CNBD1: variants seen among roughly 807,000 people sequenced by gnomAD.
CNBD1 encodes cyclic nucleotide-binding domain-containing protein 1.
A neutral mutation model predicts 54.4 loss-of-function variants in CNBD1; 71 were observed. That is an observed-to-expected ratio of 1.30 (90% CI 1.08 to 1.59). The LOEUF is 1.59. Among genes scored for constraint, CNBD1 ranks in the 40% most tolerant of loss-of-function variants. The pLI is 0.00. For synonymous variants in CNBD1, 182 were observed against 170.7 expected (o/e 1.07, Z -0.51); for missense variants, 659 against 518.0 (o/e 1.27, Z -2.64).
intron 8 of CNBD1, among the ~76,000 whole-genome samples, chr8:87,329,117 G>A (rs1422293940): frequency 1.3e-5 from 2 of 151,760 alleles, no homozygotes; most frequent in African/African-American, 4.8e-5. Context: ...TATGGTCTTT[G>A]TCTATATTCG....
chr8:87,393,562 A>C (rs1811352943), intron 2 of CNBD1, among the ~76,000 whole-genome samples: 1 of 151,912 alleles, frequency 6.6e-6, no homozygotes, highest in Non-Finnish European at 1.5e-5. Context: ...CCCCAAAGAC[A>C]TTATGGTTTG....
At chr8:87,025,675 G>A (rs1809627722) in intron 4 of CNBD1, among the ~76,000 whole-genome samples, 1 of 152,176 alleles carries the variant, frequency 6.6e-6, no homozygotes, top group Non-Finnish European at 1.5e-5. Context: ...CCCAGTGGGT[G>A]GAACAGACAA....
At chr8:87,117,180 C>T (rs370997041) in intron 4 of CNBD1, among the ~76,000 whole-genome samples, 4 of 151,898 alleles carry the variant, frequency 2.6e-5, no homozygotes, top group Non-Finnish European at 5.9e-5. Context: ...GGGTGGATCA[C>T]GAAGTCAGGA....
At chr8:87,086,473 C>T (rs1586246453) in intron 4 of CNBD1, among the ~76,000 whole-genome samples, 1 of 152,060 alleles carries the variant, frequency 6.6e-6, no homozygotes, top group African/African-American at 2.4e-5. Context: ...AATGCAAATA[C>T]AATTTTGAGA....
At chr8:87,011,313 A>C (rs1049856078) in intron 4 of CNBD1, among the ~76,000 whole-genome samples, 1 of 151,548 alleles carries the variant, frequency 6.6e-6, no homozygotes, top group Non-Finnish European at 1.5e-5. Context: ...ACCCTCGTGT[A>C]GCTTATTAAT....
At chr8:87,193,316 G>A (rs1325265920) in intron 4 of CNBD1, among the ~76,000 whole-genome samples, 1 of 152,104 alleles carries the variant, frequency 6.6e-6, no homozygotes, top group African/African-American at 2.4e-5. Context: ...GGCATTTTAT[G>A]TATAGCTCCC....
chr8:86,937,367 A>G (rs1346293916), intron 3 of CNBD1, among the ~76,000 whole-genome samples: 1 of 152,118 alleles, frequency 6.6e-6, no homozygotes, highest in Admixed American at 6.6e-5. Flanking sequence ...CAGCTAAACC[A>G]TATCATTCTG....
intron 4 of CNBD1, among the ~76,000 whole-genome samples, chr8:87,070,798 T>C (rs1373092139): frequency 2.0e-5 from 3 of 152,076 alleles, no homozygotes; most frequent in African/African-American, 7.2e-5. Context: ...GTTAAGTAGC[T>C]ACTATGTACC....
rs1231252741 is a variant in CNBD1, at chr8:87,328,388, A to T, written c.1043-23297A>T. On this transcript the variant is annotated intron_variant, in intron 8 of 10. Coordinates refer to ENST00000518476, the MANE Select transcript of CNBD1 (RefSeq NM_173538.3). ...TTATTTAATATTTAATACTTTAATT[A>T]TTGTGTATAATTTTTTAAATTATGT... Among the ~76,000 whole-genome samples, 6 of 151,368 alleles carry T rather than the reference A, an allele frequency of 4.0e-5. No homozygotes were observed. The East Asian group carries it at 9.6e-4, about 24-fold the overall frequency.
chr8:87,267,513 A>G (rs1490976967), intron 6 of CNBD1, among the ~76,000 whole-genome samples: 1 of 152,166 alleles, frequency 6.6e-6, no homozygotes, highest in Non-Finnish European at 1.5e-5. Context: ...TATAACAAAG[A>G]AATCGTATCC....
intron 3 of CNBD1, among the ~76,000 whole-genome samples, chr8:86,908,608 C>T (rs1809053319): frequency 6.6e-6 from 1 of 152,002 alleles, no homozygotes; most frequent in Non-Finnish European, 1.5e-5. Context: ...GTACATTATA[C>T]CATCTGTCAA....
intron 4 of CNBD1, among the ~76,000 whole-genome samples, chr8:86,941,918 T>A (rs1008636623): frequency 6.6e-6 from 1 of 152,134 alleles, no homozygotes; most frequent in Non-Finnish European, 1.5e-5. Context: ...AGAAAATGGA[T>A]GAGTAGAGAA....
At chr8:87,224,764 T>C (rs1247409509) in intron 5 of CNBD1, among the ~76,000 whole-genome samples, 2 of 150,880 alleles carry the variant, frequency 1.3e-5, no homozygotes, top group Non-Finnish European at 2.9e-5. Context: ...AAGTAGTTTT[T>C]TCCAATTCTG....
chr8:87,185,801 T>C (rs1563499693), intron 4 of CNBD1, among the ~76,000 whole-genome samples: 1 of 152,124 alleles, frequency 6.6e-6, no homozygotes, highest in Non-Finnish European at 1.5e-5. Context: ...TCTCTCTCCC[T>C]CTCTGCATTT....
chr8:87,306,992 T>A (rs949326005), intron 8 of CNBD1, among the ~76,000 whole-genome samples: 7 of 152,002 alleles, frequency 4.6e-5, no homozygotes, highest in African/African-American at 1.7e-4. Context: ...AATAAATAAA[T>A]GACCTAACCT....
At chr8:87,179,300 A>T (rs1417796460) in intron 4 of CNBD1, among the ~76,000 whole-genome samples, 1 of 152,206 alleles carries the variant, frequency 6.6e-6, no homozygotes, top group East Asian at 1.9e-4. Context: ...TTCATAAAAT[A>T]ATGTATAGAA....
intron 6 of CNBD1, 105 bp from the exon 7 acceptor site, chr8:87,284,573 C>G (rs1469545945): frequency 3.1e-6 from 3 of 967,200 alleles, no homozygotes; most frequent in African/African-American, 1.7e-5. Flanking sequence ...GTTTAGAACC[C>G]CCTCTTTCAT....
At chr8:87,252,057 A>G (rs1225184895) in intron 6 of CNBD1, among the ~76,000 whole-genome samples, 1 of 152,158 alleles carries the variant, frequency 6.6e-6, no homozygotes. Context: ...CAACAAACAT[A>G]TAAAAACATT....
chr8:87,088,079 A>G (rs767167646), intron 4 of CNBD1, among the ~76,000 whole-genome samples: 2 of 152,190 alleles, frequency 1.3e-5, no homozygotes, highest in Non-Finnish European at 2.9e-5. Flanking sequence ...CAAAAGTTCC[A>G]TCCTCCTTTT....
Sources: gnomAD v4.1 joint callset for allele counts (sites outside exome capture counted in the v4.1 genomes callset) on GRCh38, gnomAD v4.1.1 for gene constraint, MANE v1.5 for transcripts, NCBI Gene and HGNC (gene_info 2026-07-23, HGNC 2026-07-21) for gene names.